The following ZRANB3 variants were observed in gnomAD, a reference collection of about 807,000 sequenced individuals.
The protein encoded by ZRANB3 is zinc finger RANBP2-type containing 3, also known as DNA annealing helicase and endonuclease ZRANB3.
A neutral mutation model predicts 133.8 loss-of-function variants in ZRANB3; 125 were observed. That is an observed-to-expected ratio of 0.93 (90% CI 0.81 to 1.08). ZRANB3 has a LOEUF of 1.08. ZRANB3 is among the 50% of genes least tolerant of loss of function. The probability of loss-of-function intolerance (pLI) is 0.00; values close to 1 mark genes in which losing one functional copy is unlikely to be tolerated. For missense variants in ZRANB3, 1,229 were observed against 1,275.5 expected (o/e 0.96, Z 0.56); for synonymous variants, 387 against 432.7 (o/e 0.89, Z 1.31).
Position 135,502,919 on chromosome 2 carries a change from C to G in ZRANB3, c.161+1410G>C, listed in dbSNP as rs535523745. Among the ~76,000 whole-genome samples the G allele has an allele frequency of 4.6e-5, 7 of 152,262 alleles. No homozygotes were observed. In the East Asian group the frequency reaches 1.4e-3, roughly 29 times the overall value. ...TATAAATACAAATGTGTACAATAGA[C>G]ACAAACTACTAATACATGAATCTCA... On this transcript the variant is annotated intron_variant, in intron 2 of 20. Coordinates refer to ENST00000264159, the MANE Select transcript of ZRANB3 (RefSeq NM_032143.4).
chr2:135,491,386 C>T (rs1187347269), intron 2 of ZRANB3, among the ~76,000 whole-genome samples: 1 of 152,026 alleles, frequency 6.6e-6, no homozygotes, highest in African/African-American at 2.4e-5. Flanking sequence ...GCTCTATCAC[C>T]CAGGCTGGAA....
At position 135,275,635 on chromosome 2, in the gene ZRANB3, C is replaced by G. The variant is rs1327127218; in HGVS notation, c.1086+1G>C. The G allele has an allele frequency of 1.3e-6, 2 of 1,578,984 alleles. No individual in the cohort carries two copies. Among genetic ancestry groups the G allele is most frequent in the Non-Finnish European group, 1.7e-6 (2 of 1,162,872 alleles). ...TATTTAGTTAAAAAATGGCAACATA[C>G]CTTATTTTCGATGACTGCTTCTGTG... On this transcript the variant is annotated splice_donor_variant, in intron 9 of 20. Transcript: ENST00000264159. LOFTEE classifies it high-confidence loss of function.
chr2:135,346,545 T>G (rs888071987), intron 5 of ZRANB3, among the ~76,000 whole-genome samples: 3 of 152,182 alleles, frequency 2.0e-5, no homozygotes, highest in African/African-American at 7.2e-5. Context: ...CATTCATTCA[T>G]CCATCCATTT....
chr2:135,266,066 G>A (rs934243544), intron 11 of ZRANB3, among the ~76,000 whole-genome samples: 2 of 152,020 alleles, frequency 1.3e-5, no homozygotes, highest in African/African-American at 4.8e-5. Flanking sequence ...AAAATTAGCC[G>A]GGCGTGGTGG....
intron 6 of ZRANB3, among the ~76,000 whole-genome samples, chr2:135,318,212 TTG>T (rs58455313): frequency 0.32 from 44,010 of 136,544 alleles, 7,304 homozygotes; most frequent in Non-Finnish European, 0.43. Flanking sequence ...ACACACTATT[TTG>T]TGTGTGTGTG....
chr2:135,233,907 A>G (rs1294044929), intron 12 of ZRANB3, among the ~76,000 whole-genome samples: 1 of 152,222 alleles, frequency 6.6e-6, no homozygotes, highest in Non-Finnish European at 1.5e-5. Context: ...ATAACCAGCT[A>G]ACATCATAAT....
chr2:135,471,686 G>A (rs1453692965), intron 2 of ZRANB3, among the ~76,000 whole-genome samples: 2 of 152,140 alleles, frequency 1.3e-5, no homozygotes, highest in Admixed American at 1.3e-4. Flanking sequence ...AAGTAACAGG[G>A]TTCACGAAAT....
At chr2:135,418,076 A>G (rs1190153979) in intron 2 of ZRANB3, among the ~76,000 whole-genome samples, 3 of 152,196 alleles carry the variant, frequency 2.0e-5, no homozygotes, top group African/African-American at 7.2e-5. Flanking sequence ...TAACTTGCAC[A>G]TTGTCCACAT....
intron 17 of ZRANB3, among the ~76,000 whole-genome samples, chr2:135,211,458 T>C (rs1432716941): frequency 1.3e-5 from 2 of 152,142 alleles, no homozygotes; most frequent in Non-Finnish European, 2.9e-5. Flanking sequence ...GGAGAATCAC[T>C]TGAATCCGGG....
At chr2:135,467,054 T>C (rs1200230678) in intron 2 of ZRANB3, among the ~76,000 whole-genome samples, 1 of 152,166 alleles carries the variant, frequency 6.6e-6, no homozygotes, top group African/African-American at 2.4e-5. Flanking sequence ...TTTTACATGG[T>C]AGGTTTTCAT....
chr2:135,440,462 A>G (rs1689731133), intron 2 of ZRANB3, among the ~76,000 whole-genome samples: 1 of 151,984 alleles, frequency 6.6e-6, no homozygotes, highest in African/African-American at 2.4e-5. Flanking sequence ...CCTAACTCTT[A>G]CATTGCTCAA....
intron 8 of ZRANB3, among the ~76,000 whole-genome samples, chr2:135,302,531 T>TG (rs985283298): frequency 2.0e-5 from 3 of 151,016 alleles, no homozygotes; most frequent in South Asian, 2.1e-4. Flanking sequence ...AGGGTTTGTT[T>TG]TTTTTTTTTT....
At chr2:135,457,910 A>T (rs946047868) in intron 2 of ZRANB3, among the ~76,000 whole-genome samples, 2 of 152,076 alleles carry the variant, frequency 1.3e-5, no homozygotes, top group African/African-American at 4.8e-5. Context: ...AAGTTTCTTA[A>T]TTTAATGAAA....
chr2:135,465,435 T>A (rs939538403), intron 2 of ZRANB3, among the ~76,000 whole-genome samples: 3 of 152,176 alleles, frequency 2.0e-5, no homozygotes, highest in Non-Finnish European at 4.4e-5. Context: ...GTTACCTAAT[T>A]TTGTCATTAT....
At chr2:135,244,465 G>A (rs543718227) in intron 12 of ZRANB3, among the ~76,000 whole-genome samples, 13 of 152,166 alleles carry the variant, frequency 8.5e-5, no homozygotes, top group East Asian at 1.9e-4. Context: ...AAAATTAGTC[G>A]TGCGTGGTGG....
chr2:135,255,375 CT>C (rs1679605581), intron 12 of ZRANB3, among the ~76,000 whole-genome samples: 1 of 152,128 alleles, frequency 6.6e-6, no homozygotes, highest in Non-Finnish European at 1.5e-5. Flanking sequence ...TGCTTTACCC[CT>C]ACAAAGAAAA....
intron 8 of ZRANB3, among the ~76,000 whole-genome samples, chr2:135,291,170 C>T (rs1020846486): frequency 6.7e-6 from 1 of 150,146 alleles, no homozygotes; most frequent in Non-Finnish European, 1.5e-5. Context: ...CCCGGGAACA[C>T]CAATTATTCT....
At chr2:135,231,120 A>T (rs1284783509) in intron 12 of ZRANB3, among the ~76,000 whole-genome samples, 193 bp from the exon 13 acceptor site, 1 of 152,098 alleles carries the variant, frequency 6.6e-6, no homozygotes, top group Non-Finnish European at 1.5e-5. Context: ...ATATCCATGT[A>T]CTTCCTGTGT....
chr2:135,406,377 G>A (rs535570286), intron 2 of ZRANB3, among the ~76,000 whole-genome samples: 49 of 152,190 alleles, frequency 3.2e-4, no homozygotes, highest in Admixed American at 2.4e-3. Context: ...ATTCACAGCC[G>A]AATTCTACCA....
Sources: gnomAD v4.1 joint callset for allele counts (sites outside exome capture counted in the v4.1 genomes callset) on GRCh38, gnomAD v4.1.1 for gene constraint, MANE v1.5 for transcripts, NCBI Gene and HGNC (gene_info 2026-07-23, HGNC 2026-07-21) for gene names.